MYZAP: variants seen among roughly 807,000 people sequenced by gnomAD.
MYZAP encodes GRINL1A complex locus upstream.
MYZAP carries 66 observed loss-of-function variants against 69.4 expected under a neutral mutation model. The observed-to-expected ratio is 0.95, with a 90% CI of 0.78 to 1.17. MYZAP has a LOEUF of 1.17. Among genes scored for constraint, MYZAP ranks in the 50% most tolerant of loss-of-function variants. The pLI is 0.00. For missense variants in MYZAP, 611 were observed against 556.2 expected (o/e 1.10, Z -0.99); for synonymous variants, 256 against 205.9 (o/e 1.24, Z -2.09).
chr15:57,682,542 G>A (rs1432842233), intron 12 of MYZAP, among the ~76,000 whole-genome samples: 2 of 152,132 alleles, frequency 1.3e-5, no homozygotes, highest in Non-Finnish European at 2.9e-5. Context: ...TAACTGACCT[G>A]CCTTCAGAAT....
At chr15:57,647,411 C>T in intron 10 of MYZAP, 2 of 985,260 alleles carry the variant, frequency 2.0e-6, no homozygotes, top group Non-Finnish European at 2.4e-6. Context: ...TTTAGGGACG[C>T]CTTTATTGCT....
intron 12 of MYZAP, among the ~76,000 whole-genome samples, chr15:57,683,926 C>G (rs2039561530): frequency 6.6e-6 from 1 of 152,142 alleles, no homozygotes; most frequent in Admixed American, 6.5e-5. Context: ...TCCTGAGTAG[C>G]TGGGATTACA....
In MYZAP at chr15:57,648,260, G is replaced by A. The variant is rs190414921; in HGVS notation, c.1119+8715G>A. ...TCATTCTATGACAGGTATTGGTTTC[G>A]GTATTCACAATATAAATTGTCTTTT... is the stretch of plus-strand genomic sequence containing the variant. On this transcript the variant is annotated intron_variant, in intron 10 of 12. Coordinates refer to ENST00000267853, the MANE Select transcript of MYZAP (RefSeq NM_001018100.5). The A allele has an allele frequency of 2.9e-4, 283 of 985,080 alleles. 1 individual carries two copies. The Middle Eastern group carries it at 0.011, about 38-fold the overall frequency. The allele number at this position is 985,080 out of a possible 1,614,324, so 61.0% of individuals were successfully genotyped here.
intron 10 of MYZAP, among the ~76,000 whole-genome samples, chr15:57,659,005 C>T (rs972802301): frequency 3.9e-5 from 6 of 152,136 alleles, no homozygotes; most frequent in Non-Finnish European, 8.8e-5. Context: ...ATTTTTTCCT[C>T]CAAACTCCTT....
At chr15:57,631,379 T>G (rs1230742604) in intron 6 of MYZAP, among the ~76,000 whole-genome samples, 1 of 151,996 alleles carries the variant, frequency 6.6e-6, no homozygotes, top group Non-Finnish European at 1.5e-5. Context: ...CACAGTTGCC[T>G]GTTTTAGAGA....
Position 57,602,191 on chromosome 15 carries a change from G to A in MYZAP, c.76-2078G>A, listed in dbSNP as rs76927126. Reference sequence around the variant, plus strand: ...GTGAACCTGCCAACCAGACTGGGACGGGGGTGGAGAGGATTTGTTTGCTAG... The same window carrying A: ...GTGAACCTGCCAACCAGACTGGGACAGGGGTGGAGAGGATTTGTTTGCTAG... On this transcript the variant is annotated intron_variant, in intron 1 of 12. Coordinates refer to ENST00000267853, the MANE Select transcript of MYZAP (RefSeq NM_001018100.5). Among the ~76,000 whole-genome samples, 325 of 152,236 alleles carry A rather than the reference G, an allele frequency of 2.1e-3. 2 individuals carry two copies. Among genetic ancestry groups the A allele is most frequent in the African/African-American group, 7.3e-3 (305 of 41,540 alleles).
intron 10 of MYZAP, among the ~76,000 whole-genome samples, chr15:57,653,947 G>A (rs981602464): frequency 7.5e-6 from 1 of 133,668 alleles, no homozygotes; most frequent in Non-Finnish European, 1.5e-5. Context: ...TGAGGCTGCC[G>A]TGAGCTATGA....
intron 12 of MYZAP, among the ~76,000 whole-genome samples, chr15:57,676,089 C>G (rs1006757996): frequency 6.6e-6 from 1 of 152,060 alleles, no homozygotes; most frequent in Non-Finnish European, 1.5e-5. Context: ...CAGCAGGATG[C>G]CTTCAGACAG....
intron 8 of MYZAP, among the ~76,000 whole-genome samples, chr15:57,637,317 G>C (rs2036873664): frequency 6.6e-6 from 1 of 152,192 alleles, no homozygotes. Flanking sequence ...GATATTGCCA[G>C]AATCCCAGAG....
intron 7 of MYZAP, 33 bp downstream of exon 7, chr15:57,632,592 C>T: frequency 1.2e-6 from 2 of 1,611,466 alleles, no homozygotes; most frequent in African/African-American, 1.3e-5. Flanking sequence ...TGTAAACTTA[C>T]CGGGAATTGT....
chr15:57,619,321 A>T (rs1428906705), intron 3 of MYZAP, among the ~76,000 whole-genome samples: 2 of 152,244 alleles, frequency 1.3e-5, no homozygotes, highest in African/African-American at 4.8e-5. Flanking sequence ...ACTCCTAGTT[A>T]TCCCACCTTT....
At chr15:57,676,427 T>TAC (rs1450187997) in intron 12 of MYZAP, among the ~76,000 whole-genome samples, 1 of 88,452 alleles carries the variant, frequency 1.1e-5, no homozygotes, top group Non-Finnish European at 2.3e-5. Context: ...TATGTGTATA[T>TAC]ATATATATGT....
At chr15:57,673,310 G>A (rs1437578430) in intron 11 of MYZAP, among the ~76,000 whole-genome samples, 1 of 152,158 alleles carries the variant, frequency 6.6e-6, no homozygotes, top group African/African-American at 2.4e-5. Context: ...ACTAAGAAGG[G>A]ATAAGGCGAT....
chr15:57,612,455 T>TCAAG (rs1430740711), intron 2 of MYZAP, among the ~76,000 whole-genome samples: 13 of 152,352 alleles, frequency 8.5e-5, no homozygotes, highest in African/African-American at 3.1e-4. Context: ...ATCCTCAGTG[T>TCAAG]CAAGGATGAC....
Position 57,629,695 on chromosome 15 carries a change from C to T in MYZAP, c.526-7C>T, listed in dbSNP as rs774504358. ...ATCTGGTTTTGTTTTTATTTTCATC[C>T]TCACAGAAAACCCTCGTGGATGTGA... On this transcript the variant is annotated splice_polypyrimidine_tract_variant and splice_region_variant and intron_variant, in intron 5 of 12. Transcript: ENST00000267853. 5 of 1,603,846 alleles carry T rather than the reference C, an allele frequency of 3.1e-6. No individual in the cohort carries two copies. In the Admixed American group the frequency reaches 5.3e-5, roughly 17 times the overall value.
intron 10 of MYZAP, chr15:57,647,175 A>G (rs1199107223): frequency 3.0e-6 from 3 of 985,296 alleles, no homozygotes; most frequent in African/African-American, 3.5e-5. Flanking sequence ...TTTCATTTAG[A>G]TGCTTCTACC....
intron 10 of MYZAP, among the ~76,000 whole-genome samples, chr15:57,658,155 A>G (rs2038096579): frequency 6.6e-6 from 1 of 152,174 alleles, no homozygotes; most frequent in South Asian, 2.1e-4. Flanking sequence ...TAATTGATGG[A>G]GCCCTCTACG....
In MYZAP at chr15:57,633,595, G is replaced by A. The variant is rs2140443758; in HGVS notation, c.805-18G>A. 2 of 1,607,280 alleles carry A rather than the reference G, an allele frequency of 1.2e-6. No homozygotes were observed. Among genetic ancestry groups the A allele is most frequent in the Non-Finnish European group, 1.7e-6 (2 of 1,176,756 alleles). On this transcript the variant is annotated intron_variant, in intron 7 of 12. Transcript: ENST00000267853. ...GGTACTCCATGCCTGTACTTAGGAG[G>A]GTATATTTCTTTTGCAGGAAGAAAC...
intron 10 of MYZAP, among the ~76,000 whole-genome samples, chr15:57,660,623 A>AT (rs1194092538): frequency 3.3e-5 from 5 of 152,230 alleles, no homozygotes; most frequent in Non-Finnish European, 5.9e-5. Flanking sequence ...CCTGAGAGTG[A>AT]TTTTTTGAAA....
Sources: allele counts gnomAD v4.1 joint callset (sites outside exome capture counted in the v4.1 genomes callset), GRCh38; gene constraint gnomAD v4.1.1; transcripts MANE v1.5; gene names NCBI Gene and HGNC (gene_info 2026-07-23, HGNC 2026-07-21).